The following ZFHX3 variants were observed in gnomAD, a reference collection of about 807,000 sequenced individuals.
The protein encoded by ZFHX3 is zinc finger homeobox protein 3.
ZFHX3 carries 42 observed loss-of-function variants against 279.1 expected under a neutral mutation model. That is an observed-to-expected ratio of 0.15 (90% CI 0.12 to 0.19). The LOEUF (loss-of-function observed/expected upper bound fraction) is 0.19, where lower values mean the gene tolerates loss of function less well. Among genes scored for constraint, ZFHX3 ranks in the 10% least tolerant of loss-of-function variants. ZFHX3 has a pLI of 1.00. For synonymous variants in ZFHX3, 2,293 were observed against 1,957.8 expected (o/e 1.17, Z -4.52); for missense variants, 4,981 against 4,754.0 (o/e 1.05, Z -1.40).
At chr16:73,196,362 A>G (rs146466716) in intron 5 of ZFHX3, among the ~76,000 whole-genome samples, 8 of 152,106 alleles carry the variant, frequency 5.3e-5, no homozygotes, top group African/African-American at 7.2e-5. Flanking sequence ...TGAGCTTGGG[A>G]GCTCCCTGTG....
intron 5 of ZFHX3, among the ~76,000 whole-genome samples, chr16:73,226,875 T>C (rs1268329786): frequency 6.6e-6 from 1 of 152,240 alleles, no homozygotes; most frequent in Non-Finnish European, 1.5e-5. Context: ...GACTGACGTA[T>C]GGCTTGGCCA....
chr16:73,286,585 G>A (rs1304855101), intron 4 of ZFHX3, among the ~76,000 whole-genome samples: 1 of 148,906 alleles, frequency 6.7e-6, no homozygotes, highest in Non-Finnish European at 1.5e-5. Flanking sequence ...GGGTCTCTGC[G>A]TAGCTGTGTG....
rs569404155 is a variant in ZFHX3 at position 73,457,539 on chromosome 16, G to A, written c.-1546-1281C>T. On this transcript the variant is annotated intron_variant, in intron 2 of 17. Coordinates refer to the ZFHX3 transcript ENST00000641206. ...TGTAATCCCAGCACTCTGGGAGGCC[G>A]ACGTGGGTGGATCACTTGAGGCCAG... 1.1e-4 allele frequency among the ~76,000 whole-genome samples: 16 copies of A among 152,280 alleles called. No homozygotes were observed. The East Asian group carries it at 2.9e-3, about 28-fold the overall frequency.
chr16:72,809,931 G>A (rs190140403), intron 7 of ZFHX3: 1 of 150,542 alleles, frequency 6.6e-6, no homozygotes, highest in Non-Finnish European at 1.5e-5. Context: ...CCAGGCTGGA[G>A]TGCAGTGGCG....
intron 1 of ZFHX3, among the ~76,000 whole-genome samples, chr16:73,680,986 A>G (rs1374261861): frequency 2.0e-5 from 3 of 152,216 alleles, no homozygotes; most frequent in African/African-American, 7.2e-5. Context: ...AAAAGTCCAG[A>G]AATCTAGCAA....
chr16:73,668,615 T>A (rs2052869776), intron 2 of ZFHX3, among the ~76,000 whole-genome samples: 1 of 150,688 alleles, frequency 6.6e-6, no homozygotes, highest in South Asian at 2.1e-4. Flanking sequence ...ATCATCCATG[T>A]CCCTCCAAAG....
intron 2 of ZFHX3, among the ~76,000 whole-genome samples, chr16:73,647,255 G>A (rs1265869848): frequency 6.6e-6 from 1 of 152,038 alleles, no homozygotes; most frequent in Non-Finnish European, 1.5e-5. Flanking sequence ...CTTGTGATCT[G>A]CCGGCCTCAG....
chr16:73,689,825 TG>T lies in ZFHX3; in HGVS notation c.-1607-9586del, dbSNP rs1555532584. ...ACAGTTTTTTGTTTTTTGTTTTTTT[TG>T]TTGTTGTTGTTTTTTTGAGATGGAG... On this transcript the variant is annotated intron_variant, in intron 1 of 17. Coordinates refer to the ZFHX3 transcript ENST00000641206. Among the ~76,000 whole-genome samples the T allele has an allele frequency of 3.1e-3, 448 of 146,778 alleles. 1 individual carries two copies. Among genetic ancestry groups the T allele is most frequent in the African/African-American group, 9.2e-3 (369 of 39,976 alleles).
chr16:73,778,780 C>T (rs1328387162), intron 1 of ZFHX3, among the ~76,000 whole-genome samples: 1 of 152,162 alleles, frequency 6.6e-6, no homozygotes, highest in African/African-American at 2.4e-5. Flanking sequence ...GGATTGCTGG[C>T]TCCAAATAAC....
At chr16:73,771,716 T>G (rs1023768734) in intron 1 of ZFHX3, among the ~76,000 whole-genome samples, 1 of 152,094 alleles carries the variant, frequency 6.6e-6, no homozygotes, top group Non-Finnish European at 1.5e-5. Flanking sequence ...CTTCCTTCCC[T>G]AGAGAACTCT....
At chr16:72,799,734 C>CT (rs1352941271) in intron 8 of ZFHX3, among the ~76,000 whole-genome samples, 1 of 152,206 alleles carries the variant, frequency 6.6e-6, no homozygotes, top group Non-Finnish European at 1.5e-5. Flanking sequence ...GGCCTACTGA[C>CT]TGAGTCTCTG....
intron 3 of ZFHX3, among the ~76,000 whole-genome samples, chr16:73,391,443 C>T (rs924254201): frequency 9.2e-6 from 1 of 109,264 alleles, no homozygotes; most frequent in African/African-American, 3.3e-5. Flanking sequence ...CAGAGTAAAA[C>T]TCTGTCTCAA....
At chr16:73,353,010 C>T (rs774558172) in intron 3 of ZFHX3, among the ~76,000 whole-genome samples, 5 of 152,022 alleles carry the variant, frequency 3.3e-5, no homozygotes, top group Non-Finnish European at 7.3e-5. Context: ...GAGCAGGACA[C>T]GAAGAGATGT....
At chr16:72,842,108 C>T (rs575275845) in intron 4 of ZFHX3, among the ~76,000 whole-genome samples, 75 of 152,268 alleles carry the variant, frequency 4.9e-4, no homozygotes, top group African/African-American at 1.8e-3. Flanking sequence ...GAGATCCTTC[C>T]GTGTACACAC....
intron 4 of ZFHX3, among the ~76,000 whole-genome samples, chr16:73,307,764 G>A (rs1166269875): frequency 6.6e-6 from 1 of 152,108 alleles, no homozygotes; most frequent in East Asian, 1.9e-4. Flanking sequence ...TTATACCCAC[G>A]AGGTGATGAT....
chr16:73,721,710 T>C (rs1471459029), intron 1 of ZFHX3, among the ~76,000 whole-genome samples: 1 of 152,218 alleles, frequency 6.6e-6, no homozygotes, highest in Non-Finnish European at 1.5e-5. Context: ...CTCTGGAATC[T>C]GTTCATGCCT....
intron 3 of ZFHX3, among the ~76,000 whole-genome samples, chr16:73,427,564 A>T (rs1165509000): frequency 6.6e-6 from 1 of 152,118 alleles, no homozygotes; most frequent in Non-Finnish European, 1.5e-5. Context: ...ACCTAGGGTG[A>T]AATGAGTCCT....
At chr16:72,943,966 T>C (rs1319027828) in intron 3 of ZFHX3, among the ~76,000 whole-genome samples, 2 of 152,202 alleles carry the variant, frequency 1.3e-5, no homozygotes, top group Non-Finnish European at 2.9e-5. Flanking sequence ...AAAAAGTATC[T>C]ATATGTACTG....
chr16:73,331,029 G>T (rs2015791578), intron 3 of ZFHX3, among the ~76,000 whole-genome samples: 1 of 152,122 alleles, frequency 6.6e-6, no homozygotes, highest in Non-Finnish European at 1.5e-5. Flanking sequence ...AAATACCCAA[G>T]ACTGGGTAAT....
Sources: gnomAD v4.1 joint callset for allele counts (sites outside exome capture counted in the v4.1 genomes callset) on GRCh38, gnomAD v4.1.1 for gene constraint, MANE v1.5 for transcripts, NCBI Gene and HGNC (gene_info 2026-07-23, HGNC 2026-07-21) for gene names.